Variants in ASAP1 observed in about 807,000 individuals in gnomAD.
The protein encoded by ASAP1 is arf-GAP with SH3 domain, ANK repeat and PH domain-containing protein 1.
ASAP1 carries 43 observed loss-of-function variants against 145.2 expected under a neutral mutation model. The ratio of observed to expected loss-of-function variants is 0.30; its 90% confidence interval spans 0.23 to 0.38. The LOEUF (loss-of-function observed/expected upper bound fraction) is 0.38. Ranked by LOEUF, ASAP1 falls within the 10% of genes least tolerant of loss-of-function variation. ASAP1 has a pLI of 1.00. For synonymous variants in ASAP1, 546 were observed against 515.5 expected (o/e 1.06, Z -0.80); for missense variants, 1,018 against 1,355.3 (o/e 0.75, Z 3.91).
At chr8:130,079,346 C>T (rs2045093) in intron 26 of ASAP1, among the ~76,000 whole-genome samples, 117,382 of 151,912 alleles carry the variant, frequency 0.77, 45,664 homozygotes, top group Admixed American at 0.85. Context: ...TGGATAAAAA[C>T]TGCCCGTAAG....
At chr8:130,160,545 GT>G (rs34161158) in intron 11 of ASAP1, among the ~76,000 whole-genome samples, 68,738 of 152,006 alleles carry the variant, frequency 0.45, 16,376 homozygotes, top group East Asian at 0.64. Context: ...AGTGAAAAGT[GT>G]TATGATGTCG....
At chr8:130,089,038 A>G (rs796970430) in intron 25 of ASAP1, among the ~76,000 whole-genome samples, 15 of 152,324 alleles carry the variant, frequency 9.8e-5, no homozygotes, top group African/African-American at 3.6e-4. Context: ...GAAGCAGCAC[A>G]TGCCCTCAGA....
At chr8:130,073,291 G>C (rs570408202) in intron 27 of ASAP1, among the ~76,000 whole-genome samples, 2 of 151,830 alleles carry the variant, frequency 1.3e-5, no homozygotes, top group African/African-American at 2.4e-5. Context: ...TTGGGAGGCC[G>C]AGGCAGGAGA....
At chr8:130,276,759 CT>C (rs1237887529) in intron 3 of ASAP1, among the ~76,000 whole-genome samples, 39 of 149,702 alleles carry the variant, frequency 2.6e-4, no homozygotes, top group African/African-American at 3.0e-4. Context: ...CTCTCTCTCT[CT>C]CCTCTAACAA....
chr8:130,251,524 T>C (rs1819198937), intron 3 of ASAP1, among the ~76,000 whole-genome samples: 1 of 152,132 alleles, frequency 6.6e-6, no homozygotes, highest in Admixed American at 6.6e-5. Flanking sequence ...GTCTGACAAT[T>C]TTCTGATGTC....
intron 3 of ASAP1, among the ~76,000 whole-genome samples, chr8:130,275,299 A>G (rs1263790423): frequency 2.0e-5 from 3 of 152,252 alleles, no homozygotes; most frequent in Non-Finnish European, 4.4e-5. Flanking sequence ...GAAGCCTGTA[A>G]TTGGGCTTTC....
chr8:130,202,443 G>A (rs1233659892), intron 5 of ASAP1, among the ~76,000 whole-genome samples: 1 of 152,170 alleles, frequency 6.6e-6, no homozygotes, highest in East Asian at 1.9e-4. Flanking sequence ...CACAGATTCT[G>A]GAACAGAGTG....
Position 130,382,058 on chromosome 8 carries a change from G to A in ASAP1, c.59+19827C>T, listed in dbSNP as rs568978477. On this transcript the variant is annotated intron_variant, in intron 2 of 29. Transcript: ENST00000518721. ...TCCCAGCACTTTGGGAGGCCGAGGC[G>A]GGCAGATCACGAGGTCAGGAGATCA... Among the ~76,000 whole-genome samples, 387 of 152,108 alleles carry A rather than the reference G, an allele frequency of 2.5e-3. 5 individuals carry two copies. The highest frequency in any genetic ancestry group is 3.4e-3 in the Non-Finnish European group (233 of 67,994).
intron 4 of ASAP1, among the ~76,000 whole-genome samples, chr8:130,227,261 G>GT (rs141588153): frequency 0.034 from 5,137 of 150,924 alleles, 201 homozygotes; most frequent in African/African-American, 0.099. Context: ...TTTTTTTGTG[G>GT]TTTTTTTTTG....
chr8:130,131,401 C>G (rs1159262713), intron 15 of ASAP1, among the ~76,000 whole-genome samples: 1 of 152,016 alleles, frequency 6.6e-6, no homozygotes, highest in Admixed American at 6.5e-5. Context: ...GAGGCATGTG[C>G]TTTCTTTGTG....
At chr8:130,164,693 CATTT>C (rs1440169384) in intron 11 of ASAP1, among the ~76,000 whole-genome samples, 9 of 152,156 alleles carry the variant, frequency 5.9e-5, no homozygotes, top group African/African-American at 1.2e-4. Context: ...TTTCATAGAA[CATTT>C]ATTTGCTAAG....
rs1246249650 is a variant in ASAP1 at position 130,292,392 on chromosome 8, C to G, written c.187-55398G>C. Among the ~76,000 whole-genome samples the G allele has an allele frequency of 3.9e-5, 6 of 152,114 alleles. No homozygotes were observed. In the East Asian group the frequency reaches 1.2e-3, roughly 29 times the overall value. Reference sequence around the variant, plus strand: ...TATGAATAAAATATGAATGAGGAACCAATTATCTGCCTGCCCCCCAATCCC... The same window carrying G: ...TATGAATAAAATATGAATGAGGAACGAATTATCTGCCTGCCCCCCAATCCC... On this transcript the variant is annotated intron_variant, in intron 3 of 29. Transcript: ENST00000518721.
intron 3 of ASAP1, among the ~76,000 whole-genome samples, chr8:130,349,688 C>T (rs1249824139): frequency 6.6e-6 from 1 of 152,230 alleles, no homozygotes. Flanking sequence ...TGAAGGAATG[C>T]TTCTAGCCTC....
At chr8:130,333,879 A>T (rs1254761163) in intron 3 of ASAP1, among the ~76,000 whole-genome samples, 15 of 152,156 alleles carry the variant, frequency 9.9e-5, no homozygotes, top group Admixed American at 9.8e-4. Flanking sequence ...TACAGAAGAG[A>T]CTCACAGCCA....
intron 24 of ASAP1, among the ~76,000 whole-genome samples, chr8:130,095,821 G>A (rs528586223): frequency 5.3e-5 from 8 of 152,022 alleles, no homozygotes; most frequent in Admixed American, 1.3e-4. Context: ...GTTTCACCAT[G>A]TTGGCCAGGC....
At chr8:130,354,705 T>C (rs1332356424) in intron 3 of ASAP1, among the ~76,000 whole-genome samples, 2 of 152,192 alleles carry the variant, frequency 1.3e-5, no homozygotes, top group Admixed American at 1.3e-4. Context: ...CACTGGCTTT[T>C]TGCTTGGAAA....
Position 130,409,220 on chromosome 8 carries a change from C to A in ASAP1, c.-27-7250G>T, listed in dbSNP as rs953644669. Among the ~76,000 whole-genome samples the A allele has an allele frequency of 2.0e-5, 3 of 151,938 alleles. No individual in the cohort carries two copies. The East Asian group carries it at 5.8e-4, about 29-fold the overall frequency. ...GAGGTTGTAGTGAGCCGAGATTGCGCCACTGCACTCCAGCCTGGGTGACAG... is the reference window on the plus strand; with the variant it reads ...GAGGTTGTAGTGAGCCGAGATTGCGACACTGCACTCCAGCCTGGGTGACAG... On this transcript the variant is annotated intron_variant, in intron 1 of 29. Coordinates refer to ENST00000518721, the MANE Select transcript of ASAP1 (RefSeq NM_018482.4).
At chr8:130,420,922 A>G (rs1254873241) in intron 1 of ASAP1, among the ~76,000 whole-genome samples, 1 of 151,968 alleles carries the variant, frequency 6.6e-6, no homozygotes. Flanking sequence ...TACTTCATTC[A>G]TTCCTCTTAA....
intron 2 of ASAP1, among the ~76,000 whole-genome samples, chr8:130,359,012 G>A (rs1432460324): frequency 6.6e-6 from 1 of 152,144 alleles, no homozygotes; most frequent in Non-Finnish European, 1.5e-5. Flanking sequence ...CCGACCCCGC[G>A]AAGGAAGCGC....
Sources: gnomAD v4.1 joint callset for allele counts (sites outside exome capture counted in the v4.1 genomes callset) on GRCh38, gnomAD v4.1.1 for gene constraint, MANE v1.5 for transcripts, NCBI Gene and HGNC (gene_info 2026-07-23, HGNC 2026-07-21) for gene names.